Variants in SLC25A21 observed in about 807,000 individuals in gnomAD.
SLC25A21 encodes the protein solute carrier family 25 member 21.
A neutral mutation model predicts 43.8 loss-of-function variants in SLC25A21; 47 were observed. The observed-to-expected ratio is 1.07, with a 90% CI of 0.85 to 1.37. The LOEUF is 1.37. Among genes scored for constraint, SLC25A21 ranks in the 40% most tolerant of loss-of-function variants. SLC25A21 has a pLI of 0.00. For missense variants in SLC25A21, 352 were observed against 350.2 expected, an observed-to-expected ratio of 1.00 and a Z score of -0.04; for synonymous variants, 131 against 121.3, an observed-to-expected ratio of 1.08 and a Z score of -0.52.
chr14:37,004,386 G>A (rs1358398620), intron 1 of SLC25A21, among the ~76,000 whole-genome samples: 1 of 152,086 alleles, frequency 6.6e-6, no homozygotes, highest in Non-Finnish European at 1.5e-5. Context: ...CCTAAAACCT[G>A]TCTCAGACAG....
intron 1 of SLC25A21, among the ~76,000 whole-genome samples, chr14:37,134,118 T>C (rs1038930365): frequency 6.6e-6 from 1 of 152,002 alleles, no homozygotes; most frequent in Non-Finnish European, 1.5e-5. Flanking sequence ...GTGATCAAAA[T>C]GGAGAGAGGG....
At chr14:36,769,164 C>T (rs1886526355) in intron 3 of SLC25A21, among the ~76,000 whole-genome samples, 2 of 152,176 alleles carry the variant, frequency 1.3e-5, no homozygotes, top group South Asian at 2.1e-4. Context: ...AGGGATAACA[C>T]ACTCTATTTG....
intron 3 of SLC25A21, among the ~76,000 whole-genome samples, chr14:36,801,823 A>T (rs1172500569): frequency 1.3e-5 from 2 of 152,110 alleles, no homozygotes; most frequent in Non-Finnish European, 2.9e-5. Flanking sequence ...TGCTTATTAA[A>T]CTCTAGACAG....
intron 9 of SLC25A21, 62 bp from the exon 10 acceptor site, chr14:36,680,781 TG>T: frequency 6.7e-7 from 1 of 1,502,350 alleles, no homozygotes; most frequent in Non-Finnish European, 9.2e-7. Context: ...GCTTTCCCAC[TG>T]GGTTTCTGAA....
chr14:37,031,512 G>A (rs1201214638), intron 1 of SLC25A21, among the ~76,000 whole-genome samples: 2 of 152,114 alleles, frequency 1.3e-5, no homozygotes, highest in Non-Finnish European at 2.9e-5. Context: ...GGAACTATTT[G>A]TTCCACACTA....
At chr14:37,154,238 C>A (rs1392907625) in intron 1 of SLC25A21, among the ~76,000 whole-genome samples, 1 of 152,088 alleles carries the variant, frequency 6.6e-6, no homozygotes, top group Non-Finnish European at 1.5e-5. Flanking sequence ...TAATTGCACC[C>A]CAACCCACAC....
Position 37,110,172 on chromosome 14 carries a change from C to T in SLC25A21, c.70+62109G>A, listed in dbSNP as rs146032660. On this transcript the variant is annotated intron_variant, in intron 1 of 9. Transcript: ENST00000331299. Reference sequence around the variant, plus strand: ...CTACTTCAGACTTTCTAATCATGCTCGAGGGAACACAAGAGCTCATTTCCT... The same window carrying T: ...CTACTTCAGACTTTCTAATCATGCTTGAGGGAACACAAGAGCTCATTTCCT... 1.9e-3 allele frequency among the ~76,000 whole-genome samples: 285 copies of T among 152,224 alleles called. 1 individual carries two copies. Among genetic ancestry groups the T allele is most frequent in the African/African-American group, 6.3e-3 (260 of 41,552 alleles).
intron 1 of SLC25A21, among the ~76,000 whole-genome samples, chr14:37,006,912 T>C (rs964288176): frequency 2.6e-5 from 4 of 152,194 alleles, no homozygotes; most frequent in Admixed American, 6.5e-5. Flanking sequence ...CTCACCCTAC[T>C]CAAAGTGGAA....
Position 36,984,682 on chromosome 14 carries a change from A to T in SLC25A21, c.71-109678T>A, listed in dbSNP as rs187581992. Among the ~76,000 whole-genome samples the T allele has an allele frequency of 7.2e-3, 1,095 of 152,176 alleles. 15 individuals are homozygous for T. The highest frequency in any genetic ancestry group is 0.023 in the African/African-American group (972 of 41,530). The stretch of plus-strand genomic sequence containing the variant: ...ATTTTTAAAAATTGTGATGACTTTT[A>T]AAAATGTTTTATTTTGAAATAAATC... On this transcript the variant is annotated intron_variant, in intron 1 of 9. Coordinates refer to ENST00000331299, the MANE Select transcript of SLC25A21 (RefSeq NM_030631.4).
At chr14:37,161,736 G>A (rs1421767232) in intron 1 of SLC25A21, among the ~76,000 whole-genome samples, 7 of 151,746 alleles carry the variant, frequency 4.6e-5, no homozygotes, top group Non-Finnish European at 7.4e-5. Flanking sequence ...CGAGGCGGGC[G>A]AATCACAAGG....
chr14:37,152,964 G>A (rs1963784826), intron 1 of SLC25A21, among the ~76,000 whole-genome samples: 1 of 152,144 alleles, frequency 6.6e-6, no homozygotes, highest in South Asian at 2.1e-4. Context: ...AGAAGAGACA[G>A]GAAACACCAA....
At chr14:37,138,468 T>C (rs1271709648) in intron 1 of SLC25A21, among the ~76,000 whole-genome samples, 4 of 152,266 alleles carry the variant, frequency 2.6e-5, no homozygotes, top group Non-Finnish European at 5.9e-5. Flanking sequence ...CCATGTTTTC[T>C]TCAATTAAAA....
At chr14:37,015,083 C>T (rs1312584580) in intron 1 of SLC25A21, among the ~76,000 whole-genome samples, 1 of 151,954 alleles carries the variant, frequency 6.6e-6, no homozygotes, top group Non-Finnish European at 1.5e-5. Context: ...GGTACATGTG[C>T]ACAACGTGCA....
At chr14:37,065,558 G>A (rs1962042232) in intron 1 of SLC25A21, among the ~76,000 whole-genome samples, 1 of 147,152 alleles carries the variant, frequency 6.8e-6, no homozygotes, top group Non-Finnish European at 1.5e-5. Flanking sequence ...TACACCCTCA[G>A]GGAAAGGGCA....
chr14:36,765,350 T>A (rs143013669), intron 3 of SLC25A21, among the ~76,000 whole-genome samples: 1,936 of 152,318 alleles, frequency 0.013, 24 homozygotes, highest in South Asian at 0.061. Flanking sequence ...GCTGACTACA[T>A]GGAGCAGAGG....
At chr14:36,842,628 T>G (rs1269717073) in intron 2 of SLC25A21, among the ~76,000 whole-genome samples, 3 of 152,200 alleles carry the variant, frequency 2.0e-5, no homozygotes, top group Non-Finnish European at 4.4e-5. Flanking sequence ...TAACTTATAT[T>G]GGTGCCAATA....
rs1881985620 is a variant in SLC25A21 at position 36,678,049 on chromosome 14, G to A, written c.*2609C>T. 1 of 157,692 alleles carries A rather than the reference G, an allele frequency of 6.3e-6. No homozygotes were observed. The highest frequency in any genetic ancestry group is 1.4e-5 in the Non-Finnish European group (1 of 71,810). 9.8% of individuals were successfully genotyped at this position (157,692 alleles called of 1,614,324 possible). On this transcript the variant is annotated 3_prime_UTR_variant, in exon 10 of 10. Transcript: ENST00000331299. ...AAAATTAATATATTGAGGGTTTTTT[G>A]GTACTAATTCTGTGCAATAACTAAA...
intron 1 of SLC25A21, among the ~76,000 whole-genome samples, chr14:37,080,506 G>A (rs1304112124): frequency 6.6e-6 from 1 of 152,128 alleles, no homozygotes; most frequent in Non-Finnish European, 1.5e-5. Context: ...AGGCTGAGGT[G>A]GGAGGATCGC....
chr14:36,754,554 G>C (rs1885850939), intron 3 of SLC25A21, among the ~76,000 whole-genome samples: 2 of 152,158 alleles, frequency 1.3e-5, no homozygotes, highest in African/African-American at 4.8e-5. Flanking sequence ...AACCTAAGTA[G>C]CTTATCTACA....
Sources: gnomAD v4.1 joint callset for allele counts (sites outside exome capture counted in the v4.1 genomes callset) on GRCh38, gnomAD v4.1.1 for gene constraint, MANE v1.5 for transcripts, NCBI Gene and HGNC (gene_info 2026-07-23, HGNC 2026-07-21) for gene names.